Variants in C12orf42 observed in about 807,000 individuals in gnomAD.
C12orf42 encodes chromosome 12 open reading frame 42, also known as uncharacterized protein C12orf42.
In C12orf42, 25 loss-of-function variants were observed where a neutral mutation model predicts 21.6. That is an observed-to-expected ratio of 1.16 (90% CI 0.84 to 1.62). The LOEUF is 1.62. Ranked by LOEUF, C12orf42 falls within the 40% of genes most tolerant of loss-of-function variation. The pLI, the probability that C12orf42 is intolerant of heterozygous loss-of-function variation, is 0.00. For synonymous variants in C12orf42, 174 were observed against 175.0 expected, an observed-to-expected ratio of 0.99 and a Z score of 0.05; for missense variants, 483 against 459.3, an observed-to-expected ratio of 1.05 and a Z score of -0.47.
At chr12:103,417,874 T>C (rs909710062) in intron 2 of C12orf42, among the ~76,000 whole-genome samples, 2 of 152,210 alleles carry the variant, frequency 1.3e-5, no homozygotes, top group African/African-American at 2.4e-5. Context: ...TTAGATTAAT[T>C]AATGAATGGC....
the C12orf42 span, among the ~76,000 whole-genome samples, chr12:103,534,846 G>T: frequency 7.9e-5 from 12 of 152,144 alleles, no homozygotes; most frequent in African/African-American, 2.7e-4. Flanking sequence ...AGGCAAGTTT[G>T]TTTACTGTTC....
At chr12:103,426,367 G>T (rs1300370898) in intron 2 of C12orf42, among the ~76,000 whole-genome samples, 2 of 152,288 alleles carry the variant, frequency 1.3e-5, no homozygotes, top group East Asian at 1.9e-4. Context: ...CTCAGAGGTA[G>T]AAGATAGACT....
the C12orf42 span, among the ~76,000 whole-genome samples, chr12:103,063,726 G>A: frequency 6.6e-6 from 1 of 152,150 alleles, no homozygotes; most frequent in Non-Finnish European, 1.5e-5. Flanking sequence ...GTCCCAGCAG[G>A]CCCCTAGTGG....
At chr12:103,153,625 C>T in the C12orf42 span, among the ~76,000 whole-genome samples, 3 of 151,990 alleles carry the variant, frequency 2.0e-5, no homozygotes, top group South Asian at 2.1e-4. Context: ...CTAGCGTATA[C>T]CCACTAGGAT....
the C12orf42 span, among the ~76,000 whole-genome samples, chr12:103,067,111 C>T: frequency 6.6e-6 from 1 of 152,184 alleles, no homozygotes; most frequent in South Asian, 2.1e-4. Context: ...GAGTAATCAG[C>T]CAGCTACCTG....
chr12:103,320,152 G>A (rs2039944318), intron 4 of C12orf42, among the ~76,000 whole-genome samples: 1 of 152,202 alleles, frequency 6.6e-6, no homozygotes, highest in Non-Finnish European at 1.5e-5. Flanking sequence ...GATCTTGAGT[G>A]ATGATATCCT....
chr12:103,215,057 T>C, the C12orf42 span, among the ~76,000 whole-genome samples: 1 of 152,172 alleles, frequency 6.6e-6, no homozygotes, highest in South Asian at 2.1e-4. Flanking sequence ...TTTAGCAAAA[T>C]GATTCTTAAT....
At chr12:103,067,002 T>G in the C12orf42 span, among the ~76,000 whole-genome samples, 1 of 152,298 alleles carries the variant, frequency 6.6e-6, no homozygotes, top group African/African-American at 2.4e-5. Flanking sequence ...CAACATGGAC[T>G]TCCGCTCACT....
downstream of C12orf42, among the ~76,000 whole-genome samples, chr12:103,266,885 G>A (rs573551314): frequency 8.0e-4 from 121 of 152,198 alleles, no homozygotes; most frequent in African/African-American, 2.7e-3. Context: ...GGTATCTGGG[G>A]AAAATTCCAA....
At chr12:103,378,665 C>A (rs2045910311) in intron 3 of C12orf42, 1 of 152,126 alleles carries the variant, frequency 6.6e-6, no homozygotes, top group South Asian at 2.1e-4. Flanking sequence ...CTTGGCAGAG[C>A]AGTATAACAT....
the C12orf42 span, among the ~76,000 whole-genome samples, chr12:103,053,556 T>C: frequency 6.6e-6 from 1 of 152,012 alleles, no homozygotes; most frequent in African/African-American, 2.4e-5. Flanking sequence ...GTTTAAGTTT[T>C]ATCCTCTTTA....
chr12:103,239,419 C>T (rs1422237850), intron 10 of C12orf42, among the ~76,000 whole-genome samples: 11 of 152,146 alleles, frequency 7.2e-5, no homozygotes, highest in Admixed American at 7.2e-4. Flanking sequence ...GGATGTCTTT[C>T]CCTTTCTGAA....
At chr12:103,351,229 T>C (rs1027804544) in intron 4 of C12orf42, among the ~76,000 whole-genome samples, 2 of 152,168 alleles carry the variant, frequency 1.3e-5, no homozygotes, top group Non-Finnish European at 2.9e-5. Flanking sequence ...CCTACACTTG[T>C]GCAAATCACC....
At chr12:103,492,951 A>G (rs1363364696) in intron 1 of C12orf42, among the ~76,000 whole-genome samples, 1 of 152,068 alleles carries the variant, frequency 6.6e-6, no homozygotes, top group African/African-American at 2.4e-5. Context: ...ATCAGCTCTC[A>G]TCAGTTCTTT....
intron 2 of C12orf42, among the ~76,000 whole-genome samples, chr12:103,434,973 A>T (rs1950570333): frequency 6.6e-6 from 1 of 152,238 alleles, no homozygotes; most frequent in African/African-American, 2.4e-5. Flanking sequence ...AAAAGACAGC[A>T]GTAACCTCTG....
At chr12:103,544,145 A>G in the C12orf42 span, among the ~76,000 whole-genome samples, 1 of 152,040 alleles carries the variant, frequency 6.6e-6, no homozygotes, top group African/African-American at 2.4e-5. Context: ...GGCCTCCCAA[A>G]GTGCTGGGAT....
At chr12:103,556,247 A>G in the C12orf42 span, among the ~76,000 whole-genome samples, 1 of 152,192 alleles carries the variant, frequency 6.6e-6, no homozygotes, top group Non-Finnish European at 1.5e-5. Flanking sequence ...GGAGATATTC[A>G]TACCTTCCTT....
the C12orf42 span, among the ~76,000 whole-genome samples, chr12:103,108,953 T>C: frequency 6.6e-6 from 1 of 152,164 alleles, no homozygotes; most frequent in East Asian, 1.9e-4. Context: ...ACAAGGAAGA[T>C]GTTAATATTT....
At chr12:103,314,167 T>C (rs1438506344) in intron 4 of C12orf42, among the ~76,000 whole-genome samples, 2 of 151,338 alleles carry the variant, frequency 1.3e-5, no homozygotes, top group African/African-American at 4.9e-5. Context: ...GCAGCCCAGA[T>C]GGATGGAGGG....
Sources: gnomAD v4.1 joint callset for allele counts (sites outside exome capture counted in the v4.1 genomes callset) on GRCh38, gnomAD v4.1.1 for gene constraint, MANE v1.5 for transcripts, NCBI Gene and HGNC (gene_info 2026-07-23, HGNC 2026-07-21) for gene names.